Variants in PDCD7 observed in about 807,000 individuals in gnomAD.
PDCD7 encodes the protein programmed cell death protein 7.
A neutral mutation model predicts 42.1 loss-of-function variants in PDCD7; 40 were observed. That is an observed-to-expected ratio of 0.95 (90% CI 0.74 to 1.24). The LOEUF (loss-of-function observed/expected upper bound fraction) is 1.24, where lower values mean the gene tolerates loss of function less well. PDCD7 is among the 50% of genes most tolerant of loss of function. The pLI is 0.00. For synonymous variants in PDCD7, 299 were observed against 303.3 expected (o/e 0.99, Z 0.15); for missense variants, 644 against 662.8 (o/e 0.97, Z 0.31).
intron 2 of PDCD7, among the ~76,000 whole-genome samples, chr15:65,121,392 G>A (rs892853765): frequency 6.6e-6 from 1 of 152,122 alleles, no homozygotes; most frequent in Non-Finnish European, 1.5e-5. Context: ...TCCTCCACTT[G>A]AAACAGTGAG....
Position 65,133,085 on chromosome 15 carries a change from C to G in PDCD7, c.697G>C (p.Gly233Arg). 1.3e-6 allele frequency: 2 copies of G among 1,567,872 alleles called. No homozygotes were observed. Among genetic ancestry groups the G allele is most frequent in the Non-Finnish European group, 1.7e-6 (2 of 1,163,598 alleles). Residue 233 changes from glycine to arginine, a missense_variant, in exon 1 of 5, where the codon GGC becomes CGC. Transcript: ENST00000204549. ...CTCTCCAGCCTCCTCCGCGCCTCGC[C>G]CACATAGGCAGCCTGGGTCAACGGC... ...LQPLTQAAYVGEARRRLERVR... is the reference protein window; with the variant it reads ...LQPLTQAAYVREARRRLERVR...
intron 2 of PDCD7, among the ~76,000 whole-genome samples, chr15:65,127,678 T>C (rs1375823996): frequency 6.6e-6 from 1 of 152,190 alleles, no homozygotes; most frequent in Non-Finnish European, 1.5e-5. Flanking sequence ...TACCAAATCA[T>C]TTTACATTCA....
intron 2 of PDCD7, among the ~76,000 whole-genome samples, chr15:65,120,292 C>T (rs1442081630): frequency 6.6e-6 from 1 of 152,122 alleles, no homozygotes; most frequent in African/African-American, 2.4e-5. Flanking sequence ...GCTGGGACCA[C>T]AGGCACGTGC....
At chr15:65,118,909 ATATT>A in intron 4 of PDCD7, 69 bp from the exon 5 acceptor site, 1 of 1,210,000 alleles carries the variant, frequency 8.3e-7, no homozygotes, top group Non-Finnish European at 1.1e-6. Flanking sequence ...CAGCAACTAC[ATATT>A]CTAAGACTTA....
At position 65,133,277 on chromosome 15, in the gene PDCD7, G is replaced by T; in HGVS notation, c.505C>A (p.Pro169Thr). The T allele has an allele frequency of 1.5e-6, 2 of 1,326,040 alleles. No homozygotes were observed. Among genetic ancestry groups the T allele is most frequent in the Non-Finnish European group, 1.9e-6 (2 of 1,044,808 alleles). The allele number at this position is 1,326,040 out of a possible 1,614,324, so 82.1% of individuals were successfully genotyped here. Reference protein sequence around the residue: ...CPVPQRTHAGPSLGEVRARLL... With the variant: ...CPVPQRTHAGTSLGEVRARLL... The stretch of plus-strand genomic sequence containing the variant: ...CGCGCGCGCACTTCGCCAAGGCTGG[G>T]CCCGGCATGCGTGCGCTGGGGCACC... Residue 169 changes from proline to threonine, a missense_variant, in exon 1 of 5, where the codon CCC (proline) becomes ACC (threonine). Physicochemically the swap from Pro to Thr is conservative, Grantham distance 38. Coordinates refer to ENST00000204549, the MANE Select transcript of PDCD7 (RefSeq NM_005707.2).
chr15:65,119,448 G>A lies in PDCD7; in HGVS notation c.1262C>T (p.Ala421Val), dbSNP rs1163944846. Residue 421 changes from alanine to valine, a missense_variant, in exon 4 of 5, where the codon GCT (alanine) becomes GTT (valine). Transcript: ENST00000204549. ...LFGDPDEFPL[A>V]HLLEPFRQYY... The stretch of plus-strand genomic sequence containing the variant: ...CTGTCGGAAAGGCTCCAAGAGGTGA[G>A]CAAGTGGGAACTCATCTGAAAGAGA... 6 of 1,612,856 alleles carry A rather than the reference G, an allele frequency of 3.7e-6. No homozygotes were observed. The highest frequency in any genetic ancestry group is 2.7e-5 in the African/African-American group (2 of 74,874).
intron 1 of PDCD7, among the ~76,000 whole-genome samples, chr15:65,132,626 G>C (rs1283621695): frequency 6.6e-6 from 1 of 152,212 alleles, no homozygotes; most frequent in Non-Finnish European, 1.5e-5. Context: ...TTGAGAGTAA[G>C]TGGACAATGT....
chr15:65,133,466 GCT>G lies in PDCD7; in HGVS notation c.314_315del (p.Glu105AlafsTer19). The part of the protein sequence containing the change: ...CRPFPGTDAG[E>X]RPRPPPPGPG... ...GGGCCGGGAGGCGGTGGCCGCGGCC[GCT>G]CGCCGGCGTCGGTCCCCGGGAAGGG... On this transcript the variant is annotated frameshift_variant, in exon 1 of 5. Transcript: ENST00000204549. LOFTEE classifies it high-confidence loss of function. 8.2e-7 allele frequency: 1 copy of G among 1,212,890 alleles called. No individual in the cohort carries two copies. Among genetic ancestry groups the G allele is most frequent in the Non-Finnish European group, 1.0e-6 (1 of 976,062 alleles). The allele number at this position is 1,212,890 out of a possible 1,614,324, so 75.1% of individuals were successfully genotyped here.
chr15:65,118,561 CAGCACAG>C lies in PDCD7; in HGVS notation c.*149_*155del. The C allele has an allele frequency of 1.4e-6, 1 of 709,268 alleles. No homozygotes were observed. Among genetic ancestry groups the C allele is most frequent in the Non-Finnish European group, 2.1e-6 (1 of 476,630 alleles). The allele number at this position is 709,268 out of a possible 1,614,324, so 43.9% of individuals were successfully genotyped here. On this transcript the variant is annotated 3_prime_UTR_variant, in exon 5 of 5. Transcript: ENST00000204549. ...ATCTGATTCAAGAGGCACCTCTGGC[CAGCACAG>C]AGCACAGAAGGAAAGCATAACTTCA... is the stretch of plus-strand genomic sequence containing the variant.
rs996367125 is a variant in PDCD7 at position 65,117,895 on chromosome 15, G to C, written c.*822C>G. 1 of 152,190 alleles carries C rather than the reference G, an allele frequency of 6.6e-6. No individual in the cohort carries two copies. The highest frequency in any genetic ancestry group is 2.4e-5 in the African/African-American group (1 of 41,440). The allele number at this position is 152,190 out of a possible 1,614,324, so 9.4% of individuals were successfully genotyped here. On this transcript the variant is annotated 3_prime_UTR_variant, in exon 5 of 5. Coordinates refer to ENST00000204549, the MANE Select transcript of PDCD7 (RefSeq NM_005707.2). ...TTTGACTACATGGATAGTTTTAGAA[G>C]CTTGAGTTCCTAAGATAATTCCATA...
chr15:65,117,757 G>C lies in PDCD7; in HGVS notation c.*960C>G, dbSNP rs1489261520. On this transcript the variant is annotated 3_prime_UTR_variant, in exon 5 of 5. Coordinates refer to ENST00000204549, the MANE Select transcript of PDCD7 (RefSeq NM_005707.2). Reference sequence around the variant, plus strand: ...TCACCGTGTTAGCCAGGATGGCCTTGATCTCCTGACCTCGTGATCGGCCCG... The same window carrying C: ...TCACCGTGTTAGCCAGGATGGCCTTCATCTCCTGACCTCGTGATCGGCCCG... 1 of 152,232 alleles carries C rather than the reference G, an allele frequency of 6.6e-6. No individual in the cohort carries two copies. The allele number at this position is 152,232 out of a possible 1,614,324, so 9.4% of individuals were successfully genotyped here.
At chr15:65,123,660 C>A (rs141252039) in intron 2 of PDCD7, among the ~76,000 whole-genome samples, 1 of 152,286 alleles carries the variant, frequency 6.6e-6, no homozygotes, top group African/African-American at 2.4e-5. Flanking sequence ...CCTCCTTCAA[C>A]CACTACAGCT....
At chr15:65,130,813 A>G (rs1229170194) in intron 1 of PDCD7, among the ~76,000 whole-genome samples, 1 of 151,900 alleles carries the variant, frequency 6.6e-6, no homozygotes, top group Admixed American at 6.6e-5. Flanking sequence ...ACTGCACTTC[A>G]GTCCGGGCAA....
At chr15:65,129,748 C>T (rs1469349504) in intron 1 of PDCD7, among the ~76,000 whole-genome samples, 1 of 152,060 alleles carries the variant, frequency 6.6e-6, no homozygotes, top group Non-Finnish European at 1.5e-5. Context: ...TCATAAGACT[C>T]TGTCACCAAT....
At chr15:65,127,631 C>T (rs971798008) in intron 2 of PDCD7, among the ~76,000 whole-genome samples, 12 of 152,330 alleles carry the variant, frequency 7.9e-5, no homozygotes, top group Non-Finnish European at 7.3e-5. Context: ...GAGAAGTTAG[C>T]TGCTCATTTT....
chr15:65,118,599 G>A lies in PDCD7; in HGVS notation c.*118C>T, dbSNP rs2087425327. 4 of 1,051,742 alleles carry A rather than the reference G, an allele frequency of 3.8e-6. No homozygotes were observed. Among genetic ancestry groups the A allele is most frequent in the Non-Finnish European group, 5.3e-6 (4 of 749,778 alleles). 65.2% of individuals were successfully genotyped at this position (1,051,742 alleles called of 1,614,324 possible). A position where few individuals can be genotyped will look rare whatever the true frequency, so the allele number is the denominator to read the frequency against. On this transcript the variant is annotated 3_prime_UTR_variant, in exon 5 of 5. Coordinates refer to ENST00000204549, the MANE Select transcript of PDCD7 (RefSeq NM_005707.2). ...AGAAGGAAAGCATAACTTCAGGGTA[G>A]GGGAATGCCACATGGAATTTAGAAG...
At position 65,129,024 on chromosome 15, in the gene PDCD7, A is replaced by G. The variant is rs1023214115; in HGVS notation, c.1009+8T>C. 1 of 1,613,936 alleles carries G rather than the reference A, an allele frequency of 6.2e-7. No individual in the cohort carries two copies. The highest frequency in any genetic ancestry group is 8.5e-7 in the Non-Finnish European group (1 of 1,179,966). ...GGAACAAGGAAAGAAATGCAAAGCC[A>G]CAGTTACCTTTCCTCGCTGCAGCCT... On this transcript the variant is annotated splice_region_variant and intron_variant, in intron 2 of 4. Transcript: ENST00000204549.
At chr15:65,130,787 G>A (rs1180986756) in intron 1 of PDCD7, among the ~76,000 whole-genome samples, 3 of 151,724 alleles carry the variant, frequency 2.0e-5, no homozygotes, top group Admixed American at 6.6e-5. Flanking sequence ...AGGTTGCAGC[G>A]AGCCAAGACG....
chr15:65,127,184 G>A (rs552545964), intron 2 of PDCD7, among the ~76,000 whole-genome samples: 32 of 152,096 alleles, frequency 2.1e-4, no homozygotes, highest in Admixed American at 3.9e-4. Flanking sequence ...GGGGCCAGGC[G>A]TGGTGGCTCA....
Sources: allele counts gnomAD v4.1 joint callset (sites outside exome capture counted in the v4.1 genomes callset), GRCh38; gene constraint gnomAD v4.1.1; transcripts MANE v1.5; gene names NCBI Gene and HGNC (gene_info 2026-07-23, HGNC 2026-07-21).